Variants in CANX observed in about 807,000 individuals in gnomAD.
CANX encodes the protein calnexin, also known as epididymis secretory sperm binding protein.
Under a neutral mutation model 75.7 loss-of-function variants are expected in CANX, and 14 were observed. The ratio of observed to expected loss-of-function variants is 0.19; its 90% CI spans 0.12 to 0.29. CANX has a LOEUF of 0.29. CANX is among the 10% of genes least tolerant of loss of function. The pLI is 1.00. For synonymous variants in CANX, 227 were observed against 236.9 expected (o/e 0.96, Z 0.38); for missense variants, 567 against 713.2 (o/e 0.79, Z 2.34).
At chr5:179,698,247 C>T (rs899326458), upstream of CANX, 6 of 214,338 alleles carry the variant, frequency 2.8e-5, no homozygotes, top group Non-Finnish European at 4.0e-5. Flanking sequence ...CCCTGTATCT[C>T]TCTGCCCTGA....
chr5:179,726,034 A>G (rs571887169), intron 13 of CANX, among the ~76,000 whole-genome samples: 24 of 152,098 alleles, frequency 1.6e-4, no homozygotes, highest in Middle Eastern at 3.4e-3. Context: ...CACGCCTATA[A>G]TCCCAGCACT....
intron 7 of CANX, among the ~76,000 whole-genome samples, chr5:179,714,805 C>T (rs769748965): frequency 1.8e-4 from 27 of 152,202 alleles, no homozygotes; most frequent in African/African-American, 3.4e-4. Flanking sequence ...GCGTGAGCCA[C>T]TGCGCCCGGC....
rs1778715736 is a variant in CANX, at chr5:179,727,066, C to G, written c.1725+307C>G. On this transcript the variant is annotated intron_variant, in intron 14 of 14. Coordinates refer to ENST00000247461, the MANE Select transcript of CANX (RefSeq NM_001746.4). ...GGTCATTAACAGTCTATTTGCCTCT[C>G]CTCACTGTGCCCTGAAAAGTATTTC... Among the ~76,000 whole-genome samples, 3 of 152,218 alleles carry G rather than the reference C, an allele frequency of 2.0e-5. No homozygotes were observed. In the South Asian group the frequency reaches 6.2e-4, roughly 32 times the overall value.
At chr5:179,705,249 C>T (rs917759272) in intron 1 of CANX, among the ~76,000 whole-genome samples, 1 of 152,208 alleles carries the variant, frequency 6.6e-6, no homozygotes, top group Non-Finnish European at 1.5e-5. Flanking sequence ...TCCCAAAGTG[C>T]TGGGATTACA....
At chr5:179,705,965 G>A (rs1472978123) in intron 2 of CANX, 113 bp downstream of exon 2, 1 of 784,186 alleles carries the variant, frequency 1.3e-6, no homozygotes, top group African/African-American at 1.7e-5. Context: ...TAGGACAGGA[G>A]TGTGAGTCCA....
At chr5:179,721,311 A>G (rs1341507498) in intron 10 of CANX, among the ~76,000 whole-genome samples, 4 of 152,240 alleles carry the variant, frequency 2.6e-5, no homozygotes, top group Non-Finnish European at 4.4e-5. Flanking sequence ...GCTGGTCTCG[A>G]ACTCCTGACC....
intron 14 of CANX, among the ~76,000 whole-genome samples, chr5:179,727,999 CAT>C (rs1778771800): frequency 6.6e-6 from 1 of 152,206 alleles, no homozygotes; most frequent in East Asian, 1.9e-4. Flanking sequence ...TAATAAAGAT[CAT>C]TGCTATCTGT....
intron 1 of CANX, among the ~76,000 whole-genome samples, chr5:179,699,390 TC>T (rs1205456380): frequency 6.6e-6 from 1 of 152,154 alleles, no homozygotes; most frequent in South Asian, 2.1e-4. Flanking sequence ...TGGCTTTGCT[TC>T]TAGGGCTTTC....
chr5:179,721,959 CAT>C (rs1778338287), intron 10 of CANX, among the ~76,000 whole-genome samples: 1 of 151,862 alleles, frequency 6.6e-6, no homozygotes, highest in Non-Finnish European at 1.5e-5. Flanking sequence ...TTTTTTTCCT[CAT>C]AGTCGTTAAA....
chr5:179,686,921 G>A lies in CANX; in HGVS notation c.-4+8144G>A, dbSNP rs181884434. 2.2e-4 allele frequency among the ~76,000 whole-genome samples: 33 copies of A among 152,262 alleles called. No individual in the cohort carries two copies. In the East Asian group the frequency reaches 6.4e-3, roughly 29 times the overall value. Reference sequence around the variant, plus strand: ...GCCTCCTGAGTAGCTGGGACTACAGGTGCCTGCCACCATGCCTGGCTAATT... The same window carrying A: ...GCCTCCTGAGTAGCTGGGACTACAGATGCCTGCCACCATGCCTGGCTAATT... On this transcript the variant is annotated intron_variant, in intron 1 of 14. Transcript: ENST00000681674.
upstream of CANX, chr5:179,694,786 CAA>C (rs5873660): frequency 1.1e-4 from 41 of 389,928 alleles, no homozygotes; most frequent in African/African-American, 1.9e-4. Flanking sequence ...GTTTATCTGT[CAA>C]AAAAAAAAAA....
chr5:179,716,650 C>A (rs1777971401), intron 8 of CANX, among the ~76,000 whole-genome samples: 1 of 152,160 alleles, frequency 6.6e-6, no homozygotes, highest in South Asian at 2.1e-4. Flanking sequence ...GAAAAATAAC[C>A]TTTTTCCTAT....
chr5:179,700,663 C>T (rs1182582615), intron 1 of CANX: 2 of 153,340 alleles, frequency 1.3e-5, no homozygotes, highest in African/African-American at 4.8e-5. Flanking sequence ...CTCCCCAGTT[C>T]ATTTAGCGCA....
intron 1 of CANX, among the ~76,000 whole-genome samples, chr5:179,688,417 G>A (rs947035782): frequency 6.3e-5 from 9 of 143,090 alleles, no homozygotes; most frequent in Non-Finnish European, 9.0e-5. Flanking sequence ...AGGCTGGAGC[G>A]CAGTGGCACA....
At chr5:179,722,627 C>T (rs1421173868) in intron 10 of CANX, among the ~76,000 whole-genome samples, 177 bp from the exon 11 acceptor site, 1 of 152,162 alleles carries the variant, frequency 6.6e-6, no homozygotes, top group Non-Finnish European at 1.5e-5. Flanking sequence ...GTCTTAGAGG[C>T]AGAGTGCGTA....
At chr5:179,687,263 C>CG (rs1776206287) in intron 1 of CANX, among the ~76,000 whole-genome samples, 1 of 152,126 alleles carries the variant, frequency 6.6e-6, no homozygotes, top group Non-Finnish European at 1.5e-5. Flanking sequence ...CCAACACGCC[C>CG]GGCTAATTTT....
At chr5:179,726,465 A>G (rs1211818775) in intron 13 of CANX, among the ~76,000 whole-genome samples, 1 of 151,262 alleles carries the variant, frequency 6.6e-6, no homozygotes, top group African/African-American at 2.4e-5. Flanking sequence ...AGTCCCAGCT[A>G]TTCAGAACAC....
upstream of CANX, chr5:179,698,501 G>A: frequency 1.6e-6 from 2 of 1,289,398 alleles, no homozygotes; most frequent in Non-Finnish European, 2.0e-6. Context: ...GGCCCTTCCT[G>A]ATGGCCGATC....
rs1206353038 is a variant in CANX, at chr5:179,730,192, C to G, written c.*1548C>G. 1 of 152,390 alleles carries G rather than the reference C, an allele frequency of 6.6e-6. No individual in the cohort carries two copies. The highest frequency in any genetic ancestry group is 2.4e-5 in the African/African-American group (1 of 41,368). The allele number at this position is 152,390 out of a possible 1,614,324, so 9.4% of individuals were successfully genotyped here. A position where few individuals can be genotyped will look rare whatever the true frequency, so the allele number is the denominator to read the frequency against. On this transcript the variant is annotated 3_prime_UTR_variant, in exon 15 of 15. Transcript: ENST00000247461. ...TGTACCGATGATACTGTTTCTTGCA[C>G]TGAATATATAAACACTCCACAGTGT...
Sources: allele counts gnomAD v4.1 joint callset (sites outside exome capture counted in the v4.1 genomes callset), GRCh38; gene constraint gnomAD v4.1.1; transcripts MANE v1.5; gene names NCBI Gene and HGNC (gene_info 2026-07-23, HGNC 2026-07-21).